The following DNAJC6 variants were observed in gnomAD, a reference collection of about 807,000 sequenced individuals.
The protein encoded by DNAJC6 is auxilin.
A neutral mutation model predicts 110.0 loss-of-function variants in DNAJC6; 34 were observed. That is an observed-to-expected ratio of 0.31 (90% confidence interval 0.24 to 0.41). DNAJC6 has a LOEUF of 0.41. Among genes scored for constraint, DNAJC6 ranks in the 10% least tolerant of loss-of-function variants. The probability of loss-of-function intolerance (pLI) is 1.00; values close to 1 mark genes in which losing one functional copy is unlikely to be tolerated. For missense variants in DNAJC6, 1,031 were observed against 1,207.8 expected, an observed-to-expected ratio of 0.85 and a Z score of 2.17; for synonymous variants, 406 against 437.2, an observed-to-expected ratio of 0.93 and a Z score of 0.89.
intron 1 of DNAJC6, among the ~76,000 whole-genome samples, chr1:65,333,887 A>G (rs17127530): frequency 0.058 from 8,857 of 152,246 alleles, 843 homozygotes; most frequent in African/African-American, 0.2. Flanking sequence ...GGTTGTTTGC[A>G]TGACCTTTTA....
At chr1:65,404,037 T>A (rs1646053433) in intron 15 of DNAJC6, among the ~76,000 whole-genome samples, 1 of 152,144 alleles carries the variant, frequency 6.6e-6, no homozygotes, top group Non-Finnish European at 1.5e-5. Flanking sequence ...CAGAACAGAG[T>A]AAGCTTCCTT....
At chr1:65,268,674 C>T (rs977826813) in intron 1 of DNAJC6, among the ~76,000 whole-genome samples, 3 of 152,090 alleles carry the variant, frequency 2.0e-5, no homozygotes, top group Admixed American at 6.5e-5. Flanking sequence ...ATAAGTAGCC[C>T]TGTACTCTGT....
chr1:65,377,709 T>G (rs1332041957), intron 4 of DNAJC6, among the ~76,000 whole-genome samples: 3 of 152,212 alleles, frequency 2.0e-5, no homozygotes, highest in African/African-American at 7.2e-5. Flanking sequence ...GTGTTTGCTT[T>G]TAGACGTCAG....
intron 1 of DNAJC6, among the ~76,000 whole-genome samples, chr1:65,336,266 A>C (rs12736221): frequency 1.3e-5 from 2 of 152,068 alleles, no homozygotes; most frequent in East Asian, 3.9e-4. Flanking sequence ...AAACTATTAT[A>C]TCTTGTGAGA....
chr1:65,291,085 G>A (rs755928726), intron 1 of DNAJC6, among the ~76,000 whole-genome samples: 1 of 152,214 alleles, frequency 6.6e-6, no homozygotes, highest in Non-Finnish European at 1.5e-5. Flanking sequence ...CCAGGCTGGA[G>A]TGCAGGGCAC....
chr1:65,389,418 C>G lies in DNAJC6; in HGVS notation c.1356C>G (p.His452Gln), dbSNP rs1645903085. The G allele has an allele frequency of 1.2e-6, 2 of 1,614,012 alleles. No homozygotes were observed. Among genetic ancestry groups the G allele is most frequent in the Non-Finnish European group, 1.7e-6 (2 of 1,180,040 alleles). Residue 452 changes from histidine (H) to glutamine (Q), a missense_variant, in exon 10 of 19, where the codon CAC becomes CAG. Physicochemically the swap from His to Gln is conservative, Grantham distance 24. Transcript: ENST00000371069. Reference sequence around the variant, plus strand: ...ATCCCAGCATCCTCTTCTCTTCTCACCAGGAACATCAAGATACGCTGGCCT... The same window carrying G: ...ATCCCAGCATCCTCTTCTCTTCTCAGCAGGAACATCAAGATACGCTGGCCT... Reference protein sequence around the residue: ...DVNPSILFSSHQEHQDTLALG... With the variant: ...DVNPSILFSSQQEHQDTLALG...
chr1:65,392,422 C>A lies in DNAJC6; in HGVS notation c.1469-9C>A. On this transcript the variant is annotated splice_polypyrimidine_tract_variant and intron_variant, in intron 11 of 18. Transcript: ENST00000371069. ...AACTAATCTCTTATGGTATACTGGC[C>A]TTCCTCAGATCAGAAATCGGAGAAG... 1 of 1,581,844 alleles carries A rather than the reference C, an allele frequency of 6.3e-7. No homozygotes were observed. The highest frequency in any genetic ancestry group is 8.6e-7 in the Non-Finnish European group (1 of 1,163,422).
intron 1 of DNAJC6, among the ~76,000 whole-genome samples, chr1:65,275,381 G>A (rs1257810288): frequency 2.6e-5 from 4 of 152,192 alleles, no homozygotes; most frequent in African/African-American, 9.6e-5. Context: ...TGTTCCCCCA[G>A]CACTTTAAAA....
rs186082296 is a variant in DNAJC6, at chr1:65,352,341, G to A, written c.194-12294G>A. On this transcript the variant is annotated intron_variant, in intron 1 of 18. Coordinates refer to ENST00000371069, the MANE Select transcript of DNAJC6 (RefSeq NM_001256864.2). ...ATGAAATGAAAAAAACATGGGTCTT[G>A]TCTTCACACCGACATTTGGATATAT... Among the ~76,000 whole-genome samples the A allele has an allele frequency of 7.2e-4, 110 of 152,224 alleles. 1 individual carries two copies. Among genetic ancestry groups the A allele is most frequent in the African/African-American group, 2.4e-3 (98 of 41,540 alleles).
upstream of DNAJC6, among the ~76,000 whole-genome samples, chr1:65,308,816 C>T (rs930964588): frequency 6.6e-6 from 1 of 152,170 alleles, no homozygotes; most frequent in Non-Finnish European, 1.5e-5. Flanking sequence ...TTAACCTTGC[C>T]CTTCTCCCCA....
intron 1 of DNAJC6, among the ~76,000 whole-genome samples, chr1:65,274,536 C>T (rs1478763136): frequency 6.6e-6 from 1 of 152,128 alleles, no homozygotes; most frequent in Non-Finnish European, 1.5e-5. Flanking sequence ...AGGCTGGTCT[C>T]GAACTCCTGA....
chr1:65,383,248 C>T (rs1276214424), intron 5 of DNAJC6, among the ~76,000 whole-genome samples: 4 of 152,140 alleles, frequency 2.6e-5, no homozygotes, highest in African/African-American at 7.2e-5. Context: ...TACCATAGAC[C>T]GGGTGGCTTA....
intron 1 of DNAJC6, among the ~76,000 whole-genome samples, chr1:65,360,551 G>A (rs564396843): frequency 9.2e-4 from 140 of 152,286 alleles, no homozygotes; most frequent in African/African-American, 3.3e-3. Flanking sequence ...ACATGAAAAT[G>A]TTACAGGGAT....
At chr1:65,398,123 C>G (rs1267978068) in intron 13 of DNAJC6, among the ~76,000 whole-genome samples, 1 of 152,134 alleles carries the variant, frequency 6.6e-6, no homozygotes, top group Admixed American at 6.5e-5. Context: ...CACCTGATTC[C>G]TTTTAGCCAA....
chr1:65,297,355 G>T (rs569953924), intron 1 of DNAJC6, among the ~76,000 whole-genome samples: 33 of 152,258 alleles, frequency 2.2e-4, no homozygotes, highest in African/African-American at 7.5e-4. Context: ...CACATAATTA[G>T]ATCTGCATTT....
At chr1:65,326,665 T>G (rs1175610878) in intron 1 of DNAJC6, among the ~76,000 whole-genome samples, 1 of 152,168 alleles carries the variant, frequency 6.6e-6, no homozygotes, top group Non-Finnish European at 1.5e-5. Context: ...CCCTCTCCAG[T>G]GCCCCATAGT....
rs1408233698 is a variant in DNAJC6 at position 65,405,994 on chromosome 1, C to T, written c.2352C>T (p.Ala784=). ...GTGGCGGGTGGCAGCAGGGAGGTGC[C>T]TACAACTGGCAGCAGCCACAGCCTA... ...PMGGGWQQGG[A]YNWQQPQPKP... is the part of the protein sequence containing the mutation. The change falls in exon 16 of 19, where the codon GCC becomes GCT. Residue 784 remains alanine, a synonymous_variant. Coordinates refer to ENST00000371069, the MANE Select transcript of DNAJC6 (RefSeq NM_001256864.2). The T allele has an allele frequency of 1.2e-6, 2 of 1,614,210 alleles. No individual in the cohort carries two copies. The highest frequency in any genetic ancestry group is 1.7e-6 in the Non-Finnish European group (2 of 1,180,038).
intron 1 of DNAJC6, among the ~76,000 whole-genome samples, chr1:65,322,198 C>G (rs995144414): frequency 4.6e-5 from 7 of 152,112 alleles, no homozygotes; most frequent in Non-Finnish European, 8.8e-5. Flanking sequence ...GAAAGCCAGG[C>G]CTCTTGGCTC....
At chr1:65,405,037 G>C (rs1216104162) in intron 15 of DNAJC6, among the ~76,000 whole-genome samples, 2 of 151,954 alleles carry the variant, frequency 1.3e-5, no homozygotes, top group Non-Finnish European at 2.9e-5. Flanking sequence ...TACATGAAAG[G>C]GTCTTTGGAC....
Sources: gnomAD v4.1 joint callset for allele counts (sites outside exome capture counted in the v4.1 genomes callset) on GRCh38, gnomAD v4.1.1 for gene constraint, MANE v1.5 for transcripts, NCBI Gene and HGNC (gene_info 2026-07-23, HGNC 2026-07-21) for gene names.